The following ARHGAP28 variants were observed in gnomAD, a reference collection of about 807,000 sequenced individuals.
ARHGAP28 encodes the protein Rho GTPase activating protein 28, also known as rho GTPase-activating protein 28.
ARHGAP28 carries 56 observed loss-of-function variants against 90.7 expected under a neutral mutation model. The observed-to-expected ratio is 0.62, with a 90% CI of 0.50 to 0.77. ARHGAP28 has a LOEUF of 0.77. Ranked by LOEUF, ARHGAP28 falls within the 30% of genes least tolerant of loss-of-function variation. The pLI is 0.00. For synonymous variants in ARHGAP28, 308 were observed against 323.3 expected, an observed-to-expected ratio of 0.95 and a Z score of 0.51; for missense variants, 869 against 900.9, an observed-to-expected ratio of 0.96 and a Z score of 0.45.
At chr18:6,742,629 A>G (rs1032265952) in intron 1 of ARHGAP28, among the ~76,000 whole-genome samples, 5 of 152,204 alleles carry the variant, frequency 3.3e-5, no homozygotes, top group South Asian at 4.1e-4. Flanking sequence ...ACAGGTGGCT[A>G]TACAAGTTGG....
At chr18:6,855,984 G>A (rs376204051) in intron 4 of ARHGAP28, among the ~76,000 whole-genome samples, 14 of 152,224 alleles carry the variant, frequency 9.2e-5, no homozygotes, top group African/African-American at 2.4e-4. Context: ...CTTGGCAGGC[G>A]TGGGATCTGG....
At position 6,913,497 on chromosome 18, in the gene ARHGAP28, ACTCT is replaced by A. The variant is rs2057409453; in HGVS notation, c.*1348_*1351del. 1 of 152,088 alleles carries A rather than the reference ACTCT, an allele frequency of 6.6e-6. No homozygotes were observed. Among genetic ancestry groups the A allele is most frequent in the Admixed American group, 6.6e-5 (1 of 15,250 alleles). The allele number at this position is 152,088 out of a possible 1,614,324, so 9.4% of individuals were successfully genotyped here. A position where few individuals can be genotyped will look rare whatever the true frequency, so the allele number is the denominator to read the frequency against. ...TATTGGTTTTAATGAGACCCAAATG[ACTCT>A]CTCTTAACAATTCAAGCAGTAGACA... On this transcript the variant is annotated 3_prime_UTR_variant, in exon 18 of 18. Transcript: ENST00000383472.
chr18:6,849,435 G>A (rs549358586), intron 3 of ARHGAP28, among the ~76,000 whole-genome samples: 1 of 152,218 alleles, frequency 6.6e-6, no homozygotes, highest in African/African-American at 2.4e-5. Context: ...ATGAAGGAGA[G>A]TATAATGAAA....
chr18:6,873,881 G>A (rs144083501), intron 9 of ARHGAP28, 106 bp downstream of exon 9: 13 of 961,300 alleles, frequency 1.4e-5, no homozygotes, highest in African/African-American at 4.9e-5. Flanking sequence ...AGACACTATC[G>A]CCCTATTAGG....
At chr18:6,788,319 C>A (rs1432688467) in intron 1 of ARHGAP28, among the ~76,000 whole-genome samples, 2 of 152,252 alleles carry the variant, frequency 1.3e-5, no homozygotes, top group East Asian at 3.9e-4. Flanking sequence ...TTTCCTGAGG[C>A]CTCCCCAGAA....
intron 16 of ARHGAP28, chr18:6,898,396 T>A: frequency 1.0e-6 from 1 of 970,782 alleles, no homozygotes. Flanking sequence ...TATATACACA[T>A]ATACACACAC....
intron 1 of ARHGAP28, among the ~76,000 whole-genome samples, chr18:6,764,879 A>G (rs889346973): frequency 1.2e-4 from 18 of 152,228 alleles, no homozygotes; most frequent in African/African-American, 4.1e-4. Flanking sequence ...TTACTTTACA[A>G]CGCGCTTAAC....
chr18:6,868,992 A>C (rs766746672), intron 6 of ARHGAP28, among the ~76,000 whole-genome samples: 16 of 152,138 alleles, frequency 1.1e-4, no homozygotes, highest in Non-Finnish European at 1.9e-4. Flanking sequence ...AAAATAAAAA[A>C]GAAGGGACTT....
At position 6,889,920 on chromosome 18, in the gene ARHGAP28, C is replaced by A. The variant is rs377716950; in HGVS notation, c.1569C>A (p.Ala523=). Residue 523 remains alanine, a synonymous_variant, in exon 13 of 18, where the codon GCC becomes GCA. Transcript: ENST00000383472. ...ALMTFFNKVI[A]NESKNRMSLW... ...TGACATTCTTCAATAAAGTGATTGCCAATGAATCAAAAAACCGAATGAGTC... is the reference window on the plus strand; with the variant it reads ...TGACATTCTTCAATAAAGTGATTGCAAATGAATCAAAAAACCGAATGAGTC... The A allele has an allele frequency of 6.2e-7, 1 of 1,613,954 alleles. No homozygotes were observed. The highest frequency in any genetic ancestry group is 8.5e-7 in the Non-Finnish European group (1 of 1,180,032).
At chr18:6,820,186 AT>A (rs1212705940) in intron 1 of ARHGAP28, among the ~76,000 whole-genome samples, 1 of 152,170 alleles carries the variant, frequency 6.6e-6, no homozygotes, top group Non-Finnish European at 1.5e-5. Context: ...ATGGGCAAAA[AT>A]TGATCAAAAT....
chr18:6,895,127 T>C (rs950603524), intron 15 of ARHGAP28, among the ~76,000 whole-genome samples: 2 of 152,204 alleles, frequency 1.3e-5, no homozygotes, highest in Non-Finnish European at 2.9e-5. Flanking sequence ...ATAAGATTAT[T>C]GCAGTCATCG....
intron 1 of ARHGAP28, among the ~76,000 whole-genome samples, chr18:6,777,382 A>G (rs979625378): frequency 4.6e-5 from 7 of 152,166 alleles, no homozygotes; most frequent in Non-Finnish European, 1.0e-4. Flanking sequence ...AACATGCAGA[A>G]CACAACTTGA....
At chr18:6,831,008 C>T (rs1011612041) in intron 2 of ARHGAP28, among the ~76,000 whole-genome samples, 2 of 152,118 alleles carry the variant, frequency 1.3e-5, no homozygotes, top group African/African-American at 4.8e-5. Flanking sequence ...GTGAAACTGC[C>T]AGCATTTTTC....
chr18:6,733,985 G>A (rs1205388030), intron 1 of ARHGAP28, among the ~76,000 whole-genome samples: 1 of 152,120 alleles, frequency 6.6e-6, no homozygotes, highest in Non-Finnish European at 1.5e-5. Context: ...AGATCATGGG[G>A]GATTCCAACC....
intron 12 of ARHGAP28, 80 bp downstream of exon 12, chr18:6,887,319 G>T: frequency 7.3e-7 from 1 of 1,363,490 alleles, no homozygotes; most frequent in South Asian, 1.2e-5. Context: ...AATGAAAGTG[G>T]AGATGACAGC....
At chr18:6,736,031 A>G (rs2055924300) in intron 1 of ARHGAP28, among the ~76,000 whole-genome samples, 1 of 152,154 alleles carries the variant, frequency 6.6e-6, no homozygotes, top group Non-Finnish European at 1.5e-5. Context: ...CCTCTTTTTA[A>G]TTAATAGCTA....
chr18:6,830,487 C>T (rs1038621482), intron 2 of ARHGAP28, among the ~76,000 whole-genome samples: 2 of 152,170 alleles, frequency 1.3e-5, no homozygotes, highest in Non-Finnish European at 2.9e-5. Context: ...CAGCCCCTGA[C>T]AGGCCCTGGT....
chr18:6,821,245 G>T (rs2056624848), intron 1 of ARHGAP28, among the ~76,000 whole-genome samples: 1 of 152,020 alleles, frequency 6.6e-6, no homozygotes, highest in Non-Finnish European at 1.5e-5. Context: ...GACAATGGAA[G>T]AAAAAATAGA....
In ARHGAP28 at chr18:6,729,786, GT is replaced by G. The variant is rs1422164615; in HGVS notation, c.-34del. 3 of 1,371,606 alleles carry G rather than the reference GT, an allele frequency of 2.2e-6. No individual in the cohort carries two copies. In the African/African-American group the frequency reaches 4.5e-5, roughly 21 times the overall value. The allele number at this position is 1,371,606 out of a possible 1,614,324, so 85.0% of individuals were successfully genotyped here. Reference sequence around the variant, plus strand: ...CCGGTCCATGCTGGTCCCGGTCTTTGTTCTGGGGCCGGCGCCGAGACATGCG... The same window carrying G: ...CCGGTCCATGCTGGTCCCGGTCTTTGTCTGGGGCCGGCGCCGAGACATGCG... On this transcript the variant is annotated 5_prime_UTR_variant, in exon 1 of 18. It introduces an in-frame stop codon into an upstream open reading frame of the 5' UTR. Transcript: ENST00000383472.
Sources: allele counts gnomAD v4.1 joint callset (sites outside exome capture counted in the v4.1 genomes callset), GRCh38; gene constraint gnomAD v4.1.1; transcripts MANE v1.5; gene names NCBI Gene and HGNC (gene_info 2026-07-23, HGNC 2026-07-21).